PADI6: variants seen among roughly 807,000 people sequenced by gnomAD.
PADI6 encodes the protein peptidyl arginine deiminase 6.
In PADI6, 66 loss-of-function variants were observed where a neutral mutation model predicts 78.2. The observed-to-expected ratio is 0.84, with a 90% confidence interval of 0.69 to 1.04. The LOEUF (loss-of-function observed/expected upper bound fraction) is 1.04, where lower values mean the gene tolerates loss of function less well. Ranked by LOEUF, PADI6 falls within the 50% of genes least tolerant of loss-of-function variation. The pLI, the probability that PADI6 is intolerant of heterozygous loss-of-function variation, is 0.00. For missense variants in PADI6, 854 were observed against 866.1 expected, an observed-to-expected ratio of 0.99 and a Z score of 0.18; for synonymous variants, 397 against 346.9, an observed-to-expected ratio of 1.14 and a Z score of -1.60.
At chr1:17,390,750 G>A (rs2075173921) in intron 8 of PADI6, among the ~76,000 whole-genome samples, 1 of 152,210 alleles carries the variant, frequency 6.6e-6, no homozygotes, top group Non-Finnish European at 1.5e-5. Flanking sequence ...AAAGTCTGAT[G>A]GGATTCTGCT....
At chr1:17,378,314 C>G (rs2075038416) in intron 3 of PADI6, among the ~76,000 whole-genome samples, 1 of 152,216 alleles carries the variant, frequency 6.6e-6, no homozygotes, top group South Asian at 2.1e-4. Context: ...GTCTTGCACG[C>G]TGCTAGATCC....
At chr1:17,379,791 C>A in intron 3 of PADI6, 129 bp from the exon 4 acceptor site, 1 of 714,048 alleles carries the variant, frequency 1.4e-6, no homozygotes, top group Non-Finnish European at 2.4e-6. Context: ...TGCTTCTAAG[C>A]TGATAGCATG....
rs752510006 is a variant in PADI6 at position 17,381,057 on chromosome 1, T to C, written c.446T>C (p.Ile149Thr). The change falls in exon 5 of 16, where the codon ATC (isoleucine) becomes ACC (threonine). Residue 149 changes from isoleucine (I) to threonine (T), a missense_variant. Physicochemically the swap from Ile to Thr is moderately conservative, Grantham distance 89 (BLOSUM62 -1). Transcript: ENST00000619609. ...CCATCTCATTTGCAGAAAAAATGGATCTGGGGTCCCAGCGGTTGGGGTGCC... is the reference window on the plus strand; with the variant it reads ...CCATCTCATTTGCAGAAAAAATGGACCTGGGGTCCCAGCGGTTGGGGTGCC... ...SSDKQAKKKW[I>T]WGPSGWGAIL... 6.3e-7 allele frequency: 1 copy of C among 1,599,830 alleles called. No homozygotes were observed. Among genetic ancestry groups the C allele is most frequent in the Non-Finnish European group, 8.5e-7 (1 of 1,173,466 alleles).
intron 12 of PADI6, 138 bp downstream of exon 12, chr1:17,395,245 C>A: frequency 1.6e-6 from 2 of 1,238,386 alleles, no homozygotes; most frequent in Non-Finnish European, 2.2e-6. Flanking sequence ...GCTCTGTCAC[C>A]CAGGCTGGAG....
Position 17,394,399 on chromosome 1 carries a change from C to T in PADI6, c.1282C>T (p.Gln428Ter). 6.2e-7 allele frequency: 1 copy of T among 1,613,776 alleles called. No individual in the cohort carries two copies. The highest frequency in any genetic ancestry group is 1.1e-5 in the South Asian group (1 of 91,046). The change falls in exon 11 of 16, where the codon CAA (glutamine) becomes TAA (stop). Residue 428 changes from glutamine to a stop codon, truncating the protein, a stop_gained. Coordinates refer to ENST00000619609, the MANE Select transcript of PADI6 (RefSeq NM_207421.4). LOFTEE classifies it high-confidence loss of function. ...NLMVSPPVKV[Q>*]GKEYPLGRVL... The stretch of plus-strand genomic sequence containing the variant: ...GATGGTGTCCCCACCTGTCAAGGTC[C>T]AAGGGAAAGAGTACCCGCTGGGCAG...
intron 8 of PADI6, among the ~76,000 whole-genome samples, chr1:17,390,381 CCT>C (rs2075170123): frequency 6.6e-6 from 1 of 151,866 alleles, no homozygotes; most frequent in Non-Finnish European, 1.5e-5. Flanking sequence ...GGGCGGATCA[CCT>C]GAGGTCAGGA....
Position 17,378,727 on chromosome 1 carries a change from C to T in PADI6, c.368-1193C>T, listed in dbSNP as rs188546058. Among the ~76,000 whole-genome samples, 3 of 151,964 alleles carry T rather than the reference C, an allele frequency of 2.0e-5. No homozygotes were observed. In the East Asian group the frequency reaches 5.8e-4, roughly 30 times the overall value. ...TCAAGTGATTCTCCTGCCTTAGCCT[C>T]CTGAGTAGCTGGAACTACAAGCACC... On this transcript the variant is annotated intron_variant, in intron 3 of 15. Coordinates refer to ENST00000619609, the MANE Select transcript of PADI6 (RefSeq NM_207421.4).
chr1:17,376,127 A>T (rs962505137), intron 3 of PADI6, among the ~76,000 whole-genome samples: 2 of 151,948 alleles, frequency 1.3e-5, no homozygotes, highest in African/African-American at 2.4e-5. Flanking sequence ...GGTGTGTGCC[A>T]CCATGCCTGG....
chr1:17,381,905 C>T lies in PADI6; in HGVS notation c.554-62C>T, dbSNP rs532616882. The T allele has an allele frequency of 1.0e-5, 16 of 1,602,750 alleles. No homozygotes were observed. The East Asian group carries it at 2.7e-4, about 27-fold the overall frequency. Reference sequence around the variant, plus strand: ...TCCCGGCCCCTCTCTACTGCTCTTCCCTCCACCCCCAGAGTGCTGGCCTCC... The same window carrying T: ...TCCCGGCCCCTCTCTACTGCTCTTCTCTCCACCCCCAGAGTGCTGGCCTCC... On this transcript the variant is annotated intron_variant, in intron 5 of 15. Transcript: ENST00000619609.
chr1:17,382,052 C>T lies in PADI6; in HGVS notation c.639C>T (p.Ser213=), dbSNP rs1286679124. ...AATATCGGCTAGTCCTCCATACCTC[C>T]AAGGAAGAGTCGAAGAAGGCGAGAG... ...LKKYRLVLHT[S]KEESKKARVY... Residue 213 remains serine, a synonymous_variant, in exon 6 of 16, where the codon TCC becomes TCT. Coordinates refer to ENST00000619609, the MANE Select transcript of PADI6 (RefSeq NM_207421.4). The T allele has an allele frequency of 1.2e-6, 2 of 1,614,016 alleles. No individual in the cohort carries two copies. The highest frequency in any genetic ancestry group is 2.2e-5 in the East Asian group (1 of 44,890).
rs1415978027 is a variant in PADI6 at position 17,395,556 on chromosome 1, T to C, written c.1511T>C (p.Leu504Pro). The change falls in exon 13 of 16, where the codon CTG (leucine) becomes CCG (proline). Residue 504 changes from leucine (L) to proline (P), a missense_variant. Transcript: ENST00000619609. ...GTTTCCCAGGGCTTCCTGCTGCTCC[T>C]GGCCAGCCCCAGTGCCTGCTATAAA... is the stretch of plus-strand genomic sequence containing the variant. ...NEGKKGFLLL[L>P]ASPSACYKLF... The C allele has an allele frequency of 3.9e-6, 6 of 1,558,350 alleles. No homozygotes were observed. Among genetic ancestry groups the C allele is most frequent in the Non-Finnish European group, 5.2e-6 (6 of 1,150,344 alleles).
intron 14 of PADI6, among the ~76,000 whole-genome samples, chr1:17,398,222 C>A (rs532750136): frequency 2.0e-5 from 3 of 152,308 alleles, no homozygotes; most frequent in African/African-American, 7.2e-5. Flanking sequence ...AAGAACAGCC[C>A]CCCTGGCATA....
intron 14 of PADI6, among the ~76,000 whole-genome samples, chr1:17,397,917 TC>T (rs1276549106): frequency 2.0e-5 from 3 of 152,052 alleles, no homozygotes; most frequent in Non-Finnish European, 4.4e-5. Context: ...AGTATCAGAC[TC>T]AAATAGACGA....
chr1:17,396,950 C>T, intron 13 of PADI6, 121 bp from the exon 14 acceptor site: 4 of 879,304 alleles, frequency 4.5e-6, no homozygotes, highest in Non-Finnish European at 7.3e-6. Context: ...GGCCAGTCCT[C>T]TCGCCATGGT....
rs1407794180 is a variant in PADI6, at chr1:17,373,233, G to T, written c.294G>T (p.Lys98Asn). ...TSPSPSVDAD[K>N]VSVTYYGPNE... ...CCAGCCCTTCCGTGGATGCGGATAA[G>T]GTAAGCCTCAGGGGAAGAGGTGAGG... Residue 98 changes from lysine to asparagine, a missense_variant and splice_region_variant, in exon 2 of 16, where the codon AAG (lysine) becomes AAT (asparagine). Physicochemically the swap from Lys to Asn is moderately conservative, Grantham distance 94. Transcript: ENST00000619609. 2 of 1,613,666 alleles carry T rather than the reference G, an allele frequency of 1.2e-6. No homozygotes were observed.
At chr1:17,372,596 C>T (rs1482603297) in intron 1 of PADI6, among the ~76,000 whole-genome samples, 1 of 152,168 alleles carries the variant, frequency 6.6e-6, no homozygotes, top group Non-Finnish European at 1.5e-5. Context: ...AGGCAAGGGC[C>T]TTGGCCTCTC....
chr1:17,373,366 T>C, intron 2 of PADI6, 133 bp downstream of exon 2: 1 of 1,081,298 alleles, frequency 9.2e-7, no homozygotes, highest in South Asian at 1.6e-5. Flanking sequence ...TCTCATCCAG[T>C]GTCTGCAACA....
intron 13 of PADI6, 23 bp downstream of exon 13, chr1:17,395,686 G>T (rs770527881): frequency 1.2e-6 from 2 of 1,600,982 alleles, no homozygotes; most frequent in Admixed American, 3.4e-5. Context: ...CCTTTCCACA[G>T]AACAGAACTG....
At chr1:17,381,932 G>A (rs769011107) in intron 5 of PADI6, 35 bp from the exon 6 acceptor site, 22 of 1,612,128 alleles carry the variant, frequency 1.4e-5, no homozygotes, top group Non-Finnish European at 1.9e-5. Context: ...CTGGCCTCCA[G>A]ACATTCCTTA....
Sources: allele counts gnomAD v4.1 joint callset (sites outside exome capture counted in the v4.1 genomes callset), GRCh38; gene constraint gnomAD v4.1.1; transcripts MANE v1.5; gene names NCBI Gene and HGNC (gene_info 2026-07-23, HGNC 2026-07-21).